GPC3: variants seen among roughly 807,000 people sequenced by gnomAD.
GPC3 encodes glypican-3.
A neutral mutation model predicts 34.4 loss-of-function variants in GPC3; 3 were observed. The ratio of observed to expected loss-of-function variants is 0.09; its 90% confidence interval spans 0.04 to 0.23. The LOEUF (loss-of-function observed/expected upper bound fraction) is 0.23, where lower values mean the gene tolerates loss of function less well. Among genes scored for constraint, GPC3 ranks in the 10% least tolerant of loss-of-function variants. The pLI, the probability that GPC3 is intolerant of heterozygous loss-of-function variation, is 1.00. For synonymous variants in GPC3, 177 were observed against 174.0 expected, an observed-to-expected ratio of 1.02 and a Z score of -0.13; for missense variants, 351 against 445.6, an observed-to-expected ratio of 0.79 and a Z score of 1.91.
At chrX:133,690,851 T>A (rs781694128) in intron 5 of GPC3, among the ~76,000 whole-genome samples, 4 of 111,741 alleles carry the variant, frequency 3.6e-5, no homozygotes, top group Non-Finnish European at 1.9e-5. Context: ...TCAGACTCGA[T>A]TTTGGGTCTC....
At chrX:133,646,020 G>C (rs1027887744) in intron 6 of GPC3, among the ~76,000 whole-genome samples, 1 of 78,559 alleles carries the variant, frequency 1.3e-5, no homozygotes, top group Non-Finnish European at 2.6e-5. Context: ...ATCAACAAAA[G>C]AAAATATATA....
intron 1 of GPC3, among the ~76,000 whole-genome samples, chrX:133,983,214 G>C (rs1263822996): frequency 8.9e-6 from 1 of 112,662 alleles, no homozygotes; most frequent in Admixed American, 9.4e-5. Context: ...AACAGTGTTT[G>C]TGTTTGTTAA....
chrX:133,863,725 G>A (rs1467507329), intron 2 of GPC3, among the ~76,000 whole-genome samples: 6 of 93,491 alleles, frequency 6.4e-5, no homozygotes, highest in African/African-American at 1.3e-4. Context: ...GCGCAATCTC[G>A]GCTCACTGCA....
chrX:133,608,508 T>G (rs2070072998), intron 6 of GPC3, among the ~76,000 whole-genome samples: 1 of 112,169 alleles, frequency 8.9e-6, no homozygotes, highest in Non-Finnish European at 1.9e-5. Flanking sequence ...TCTGAACATT[T>G]ACTATTGTCC....
intron 2 of GPC3, among the ~76,000 whole-genome samples, chrX:133,909,655 AGTTT>A (rs1177625951): frequency 3.6e-5 from 4 of 112,230 alleles, no homozygotes; most frequent in South Asian, 3.7e-4. Context: ...TGTATTTTTA[AGTTT>A]GTTTGGTATT....
At chrX:133,954,355 T>C (rs1004856778) in intron 1 of GPC3, among the ~76,000 whole-genome samples, 3 of 112,434 alleles carry the variant, frequency 2.7e-5, no homozygotes, top group Non-Finnish European at 5.6e-5. Flanking sequence ...AAGGTGTCAA[T>C]TGTTTTATTT....
At chrX:133,698,384 T>C (rs1445954903) in intron 4 of GPC3, among the ~76,000 whole-genome samples, 1 of 112,510 alleles carries the variant, frequency 8.9e-6, no homozygotes, top group East Asian at 2.8e-4. Flanking sequence ...AGACCACCAG[T>C]TGAGTATCAA....
intron 7 of GPC3, among the ~76,000 whole-genome samples, chrX:133,584,930 C>CAAAAAAAA (rs68159308): frequency 5.6e-4 from 38 of 68,118 alleles, no homozygotes; most frequent in East Asian, 9.8e-4. Context: ...TATAAAAAGC[C>CAAAAAAAA]AAAAAAAAAA....
rs2075758687 is a variant in GPC3 at position 133,828,157 on chromosome X, T to C, written c.338-73981A>G. Among the ~76,000 whole-genome samples, 6 of 111,329 alleles carry C rather than the reference T, an allele frequency of 5.4e-5. No individual in the cohort carries two copies. In the South Asian group the frequency reaches 2.3e-3, roughly 42 times the overall value. On this transcript the variant is annotated intron_variant, in intron 2 of 7. Coordinates refer to ENST00000370818, the MANE Select transcript of GPC3 (RefSeq NM_004484.4). ...AAACTATTTTTAATTTTTATTTATTTATTTTTAATTTTTTTTCAAGCTGGA... is the reference window on the plus strand; with the variant it reads ...AAACTATTTTTAATTTTTATTTATTCATTTTTAATTTTTTTTCAAGCTGGA...
chrX:133,916,144 C>CAAA (rs774691093), intron 2 of GPC3, among the ~76,000 whole-genome samples: 2 of 31,131 alleles, frequency 6.4e-5, no homozygotes, highest in African/African-American at 2.3e-4. Flanking sequence ...GACTCTGTCT[C>CAAA]AAAAAAAAAA....
intron 3 of GPC3, among the ~76,000 whole-genome samples, chrX:133,728,875 T>C (rs1286738651): frequency 1.8e-5 from 2 of 112,373 alleles, no homozygotes; most frequent in African/African-American, 3.2e-5. Context: ...TAGAAAAATA[T>C]TGATGATGTT....
chrX:133,659,641 C>T (rs2070699031), intron 6 of GPC3, among the ~76,000 whole-genome samples: 1 of 111,902 alleles, frequency 8.9e-6, no homozygotes, highest in South Asian at 3.8e-4. Flanking sequence ...GCTGTGAGGA[C>T]AGAGGACTAG....
chrX:133,663,241 C>T lies in GPC3; in HGVS notation c.1293-1391G>A, dbSNP rs141066663. On this transcript the variant is annotated intron_variant, in intron 5 of 7. Transcript: ENST00000370818. Reference sequence around the variant, plus strand: ...TTACTTGAGCCCAGGAGTTTGAGAACAGCCTGGGCAACATGGTGAAACCCC... The same window carrying T: ...TTACTTGAGCCCAGGAGTTTGAGAATAGCCTGGGCAACATGGTGAAACCCC... Among the ~76,000 whole-genome samples the T allele has an allele frequency of 8.4e-3, 943 of 112,037 alleles. 6 individuals are homozygous for T. The highest frequency in any genetic ancestry group is 0.013 in the Non-Finnish European group (716 of 53,170).
chrX:133,896,034 C>T (rs2076110640), intron 2 of GPC3, among the ~76,000 whole-genome samples: 1 of 111,549 alleles, frequency 9.0e-6, no homozygotes, highest in Non-Finnish European at 1.9e-5. Context: ...TTCTCCAGTC[C>T]AACTTTTATT....
At chrX:133,840,254 T>C (rs769210848) in intron 2 of GPC3, among the ~76,000 whole-genome samples, 5 of 111,450 alleles carry the variant, frequency 4.5e-5, no homozygotes, top group African/African-American at 1.6e-4. Context: ...TTATAGGCTA[T>C]ATATATGACC....
intron 2 of GPC3, among the ~76,000 whole-genome samples, chrX:133,948,093 G>C (rs1348197689): frequency 9.0e-6 from 1 of 110,769 alleles, no homozygotes. Context: ...AAATGGCTCA[G>C]TACTCACTTA....
At chrX:133,589,860 G>T (rs2069829914) in intron 7 of GPC3, among the ~76,000 whole-genome samples, 1 of 111,878 alleles carries the variant, frequency 8.9e-6, no homozygotes, top group African/African-American at 3.3e-5. Context: ...CCACTTTTTA[G>T]AAACAGAAGC....
intron 6 of GPC3, among the ~76,000 whole-genome samples, chrX:133,646,756 G>A (rs1247215788): frequency 8.9e-6 from 1 of 112,072 alleles, no homozygotes; most frequent in Non-Finnish European, 1.9e-5. Flanking sequence ...AATAGGCAGA[G>A]TAGGTGGGGA....
intron 7 of GPC3, among the ~76,000 whole-genome samples, chrX:133,586,048 T>G (rs1203497787): frequency 8.9e-6 from 1 of 112,033 alleles, no homozygotes; most frequent in Non-Finnish European, 1.9e-5. Context: ...ATGGCTCAGA[T>G]GGGAAAGTAT....
Sources: allele counts gnomAD v4.1 joint callset (sites outside exome capture counted in the v4.1 genomes callset), GRCh38; gene constraint gnomAD v4.1.1; transcripts MANE v1.5; gene names NCBI Gene and HGNC (gene_info 2026-07-23, HGNC 2026-07-21).